The following ZMYM2 variants were observed in gnomAD, a reference collection of about 807,000 sequenced individuals.
ZMYM2 encodes the protein zinc finger MYM-type protein 2.
ZMYM2 carries 56 observed loss-of-function variants against 162.8 expected under a neutral mutation model. The ratio of observed to expected loss-of-function variants is 0.34; its 90% confidence interval spans 0.28 to 0.43. The LOEUF (loss-of-function observed/expected upper bound fraction) is 0.43, where lower values mean the gene tolerates loss of function less well. ZMYM2 is among the 20% of genes least tolerant of loss of function. The probability of loss-of-function intolerance (pLI) is 1.00; values close to 1 mark genes in which losing one functional copy is unlikely to be tolerated. For synonymous variants in ZMYM2, 510 were observed against 541.6 expected, an observed-to-expected ratio of 0.94 and a Z score of 0.81; for missense variants, 1,275 against 1,621.8, an observed-to-expected ratio of 0.79 and a Z score of 3.67.
At chr13:20,046,396 T>A (rs1954782591) in intron 12 of ZMYM2, among the ~76,000 whole-genome samples, 2 of 150,710 alleles carry the variant, frequency 1.3e-5, no homozygotes, top group African/African-American at 4.9e-5. Context: ...AAAATAAAAA[T>A]AAAAAAAATT....
intron 21 of ZMYM2, among the ~76,000 whole-genome samples, chr13:20,073,111 T>C (rs1593238526): frequency 6.6e-6 from 1 of 152,144 alleles, no homozygotes; most frequent in East Asian, 1.9e-4. Flanking sequence ...CTTCACCACG[T>C]TGGCCAGGCT....
the ZMYM2 span, among the ~76,000 whole-genome samples, chr13:19,870,696 G>A: frequency 4.0e-5 from 6 of 151,496 alleles, no homozygotes; most frequent in South Asian, 2.1e-4. Context: ...GTGCGATCTC[G>A]GCTCACTGCA....
the ZMYM2 span, among the ~76,000 whole-genome samples, chr13:19,866,303 A>C: frequency 6.6e-6 from 1 of 152,226 alleles, no homozygotes; most frequent in Non-Finnish European, 1.5e-5. Context: ...CACCTGGCAC[A>C]TTAATTAATA....
intron 11 of ZMYM2, among the ~76,000 whole-genome samples, chr13:20,036,165 G>A (rs1329029738): frequency 6.6e-6 from 1 of 152,022 alleles, no homozygotes; most frequent in Admixed American, 6.5e-5. Context: ...GAATAAATAA[G>A]GATATGTAAA....
intron 12 of ZMYM2, among the ~76,000 whole-genome samples, chr13:20,047,282 C>CA (rs1954914583): frequency 6.6e-6 from 1 of 152,226 alleles, no homozygotes; most frequent in Admixed American, 6.5e-5. Flanking sequence ...TATACCCCCC[C>CA]ATGCATTCCT....
the ZMYM2 span, among the ~76,000 whole-genome samples, chr13:19,878,975 A>C: frequency 3.9e-5 from 6 of 152,200 alleles, no homozygotes; most frequent in African/African-American, 1.4e-4. Flanking sequence ...CTTTCCATGC[A>C]AAAAAATTTT....
At chr13:19,955,703 C>T (rs763629074), upstream of ZMYM2, among the ~76,000 whole-genome samples, 3 of 152,090 alleles carry the variant, frequency 2.0e-5, no homozygotes, top group Non-Finnish European at 4.4e-5. Flanking sequence ...CTCACTGCAA[C>T]CTCCGCCTCC....
At chr13:19,975,826 CT>C (rs1396774175) in intron 2 of ZMYM2, among the ~76,000 whole-genome samples, 1 of 151,798 alleles carries the variant, frequency 6.6e-6, no homozygotes, top group Non-Finnish European at 1.5e-5. Context: ...TTTATCAGCA[CT>C]TTTCTTTTTT....
intron 19 of ZMYM2, 66 bp from the exon 20 acceptor site, chr13:20,066,785 T>C: frequency 7.2e-7 from 1 of 1,397,284 alleles, no homozygotes; most frequent in Non-Finnish European, 9.4e-7. Flanking sequence ...GAGAGATGGC[T>C]TGTATAAAGT....
intron 2 of ZMYM2, among the ~76,000 whole-genome samples, chr13:19,982,281 C>T (rs1264840048): frequency 4.3e-4 from 37 of 86,258 alleles, no homozygotes; most frequent in African/African-American, 5.0e-4. Flanking sequence ...TATTAGCTGT[C>T]TTTTTTTTTT....
Position 20,002,693 on chromosome 13 carries a change from TC to T in ZMYM2, c.848-155del, listed in dbSNP as rs541171712. 1.5e-3 allele frequency among the ~76,000 whole-genome samples: 232 copies of T among 152,292 alleles called. 3 individuals carry two copies. The highest frequency in any genetic ancestry group is 0.011 in the Admixed American group (171 of 15,286). The stretch of plus-strand genomic sequence containing the variant: ...TGCATTGTTACCGTGACATTCTTAC[TC>T]CAAAACTTGTGCTATATACCTCTCT... On this transcript the variant is annotated intron_variant, in intron 3 of 24. Transcript: ENST00000610343.
At chr13:19,936,653 C>A in the ZMYM2 span, among the ~76,000 whole-genome samples, 5 of 151,946 alleles carry the variant, frequency 3.3e-5, no homozygotes, top group African/African-American at 1.2e-4. Flanking sequence ...ACCCAGGAGG[C>A]GGAGGTTGCA....
the ZMYM2 span, among the ~76,000 whole-genome samples, chr13:19,893,760 AT>A: frequency 0.013 from 2,012 of 150,504 alleles, 56 homozygotes; most frequent in African/African-American, 0.035. Flanking sequence ...TAAGTAAAAA[AT>A]AAATAAATAA....
chr13:19,949,420 A>G, the ZMYM2 span, among the ~76,000 whole-genome samples: 5 of 152,182 alleles, frequency 3.3e-5, no homozygotes, highest in African/African-American at 9.6e-5. Context: ...TCTCAAAAAC[A>G]AAAAACAAAA....
chr13:19,979,027 A>G (rs981226132), intron 2 of ZMYM2, among the ~76,000 whole-genome samples: 5 of 151,884 alleles, frequency 3.3e-5, no homozygotes, highest in Non-Finnish European at 5.9e-5. Flanking sequence ...TGGCTGACAG[A>G]TTTTTTTCCC....
chr13:19,969,994 CTT>C, intron 2 of ZMYM2: 1 of 978,412 alleles, frequency 1.0e-6, no homozygotes, highest in Non-Finnish European at 1.2e-6. Context: ...GTCTCATTTG[CTT>C]ATTGATGCAA....
chr13:19,979,276 A>G (rs533311099), intron 2 of ZMYM2, among the ~76,000 whole-genome samples: 44 of 152,150 alleles, frequency 2.9e-4, no homozygotes, highest in African/African-American at 9.9e-4. Context: ...CTTCTTGGAT[A>G]TGTATATTTA....
upstream of ZMYM2, among the ~76,000 whole-genome samples, chr13:19,953,819 T>G (rs1455685034): frequency 6.6e-6 from 1 of 152,104 alleles, no homozygotes; most frequent in Non-Finnish European, 1.5e-5. Context: ...AGAGTAATAT[T>G]TTTCAAACCA....
chr13:20,052,393 A>G (rs1188626143), intron 14 of ZMYM2, 82 bp downstream of exon 14: 18 of 1,335,228 alleles, frequency 1.3e-5, no homozygotes, highest in East Asian at 7.8e-5. Context: ...TAATGTGATC[A>G]TAATAGTAAT....
Sources: gnomAD v4.1 joint callset for allele counts (sites outside exome capture counted in the v4.1 genomes callset) on GRCh38, gnomAD v4.1.1 for gene constraint, MANE v1.5 for transcripts, NCBI Gene and HGNC (gene_info 2026-07-23, HGNC 2026-07-21) for gene names.